Variants in ICA1 observed in about 807,000 individuals in gnomAD.
ICA1 encodes islet cell autoantigen 1.
Under a neutral mutation model 71.0 loss-of-function variants are expected in ICA1, and 40 were observed. The ratio of observed to expected loss-of-function variants is 0.56; its 90% CI spans 0.44 to 0.73. The LOEUF (loss-of-function observed/expected upper bound fraction) is 0.73. Ranked by LOEUF, ICA1 falls within the 30% of genes least tolerant of loss-of-function variation. ICA1 has a pLI of 0.00. For synonymous variants in ICA1, 207 were observed against 209.5 expected, an observed-to-expected ratio of 0.99 and a Z score of 0.10; for missense variants, 578 against 576.5, an observed-to-expected ratio of 1.00 and a Z score of -0.03.
In ICA1 at chr7:8,142,391, C is replaced by T. The variant is rs538301989; in HGVS notation, c.903-574G>A. Among the ~76,000 whole-genome samples, 11 of 152,350 alleles carry T rather than the reference C, an allele frequency of 7.2e-5. 1 individual carries two copies. The South Asian group carries it at 2.1e-3, about 29-fold the overall frequency. On this transcript the variant is annotated intron_variant, in intron 9 of 13. Coordinates refer to ENST00000402384, the MANE Select transcript of ICA1 (RefSeq NM_001136020.3). Reference sequence around the variant, plus strand: ...GTCTGCTATTTCTAAACAAAATTCACGTTCAGTGTTCACTGTCATTTTAAA... The same window carrying T: ...GTCTGCTATTTCTAAACAAAATTCATGTTCAGTGTTCACTGTCATTTTAAA...
At chr7:8,204,214 TTTTTTCCAATAGTAACCTAATA>T (rs1212406737) in intron 6 of ICA1, among the ~76,000 whole-genome samples, 2 of 152,156 alleles carry the variant, frequency 1.3e-5, no homozygotes, top group Non-Finnish European at 2.9e-5. Context: ...CCAGAAACCT[TTTTTTCCAATAGTAACCTAATA>T]TCACACAAGG....
intron 4 of ICA1, among the ~76,000 whole-genome samples, chr7:8,225,942 G>A (rs908197013): frequency 6.6e-6 from 1 of 152,060 alleles, no homozygotes; most frequent in African/African-American, 2.4e-5. Context: ...CGGCTTCCAT[G>A]TATAATTATT....
rs940500453 is a variant in ICA1, at chr7:8,137,255, C to T, written c.1060+1585G>A. Among the ~76,000 whole-genome samples the T allele has an allele frequency of 2.6e-5, 4 of 151,794 alleles. No individual in the cohort carries two copies. The South Asian group carries it at 6.2e-4, about 24-fold the overall frequency. ...TCCCAGTGTGAATGTACTACCTAGT[C>T]AAATTCAAACACTAAAATAATAAAA... On this transcript the variant is annotated intron_variant, in intron 12 of 13. Coordinates refer to ENST00000402384, the MANE Select transcript of ICA1 (RefSeq NM_001136020.3).
intron 6 of ICA1, among the ~76,000 whole-genome samples, chr7:8,207,984 C>T (rs1462465680): frequency 6.6e-6 from 1 of 152,146 alleles, no homozygotes; most frequent in African/African-American, 2.4e-5. Context: ...AGGGCCAATA[C>T]TGCTTGCATA....
intron 8 of ICA1, among the ~76,000 whole-genome samples, chr7:8,149,249 C>T (rs775258242): frequency 2.0e-4 from 31 of 152,314 alleles, no homozygotes; most frequent in Non-Finnish European, 1.8e-4. Flanking sequence ...AACCCCAAAC[C>T]CACTCAGTCT....
intron 13 of ICA1, chr7:8,116,572 TTTTAGC>T (rs1255865080): frequency 6.6e-6 from 1 of 152,234 alleles, no homozygotes; most frequent in Non-Finnish European, 1.5e-5. Flanking sequence ...CATCTTTGCT[TTTTAGC>T]TTTATTTATG....
intron 6 of ICA1, among the ~76,000 whole-genome samples, chr7:8,170,049 C>T (rs1807714233): frequency 6.6e-6 from 1 of 151,926 alleles, no homozygotes; most frequent in Non-Finnish European, 1.5e-5. Context: ...GATTCAAGTT[C>T]ACATTTACAC....
intron 6 of ICA1, among the ~76,000 whole-genome samples, chr7:8,174,284 G>A (rs1165893397): frequency 6.6e-6 from 1 of 152,074 alleles, no homozygotes; most frequent in Non-Finnish European, 1.5e-5. Context: ...CTCTTAATCT[G>A]ACTTAATGGG....
chr7:8,195,496 C>A (rs1787154341), intron 6 of ICA1, among the ~76,000 whole-genome samples: 1 of 151,850 alleles, frequency 6.6e-6, no homozygotes, highest in African/African-American at 2.4e-5. Flanking sequence ...GAGCCAAGAT[C>A]ATACCACTGC....
chr7:8,203,467 G>A (rs763746604), intron 6 of ICA1, among the ~76,000 whole-genome samples: 17 of 151,984 alleles, frequency 1.1e-4, no homozygotes, highest in Non-Finnish European at 1.8e-4. Context: ...GCTATTTCAC[G>A]ATGGTGCTCT....
chr7:8,183,676 A>G (rs1237015791), intron 6 of ICA1, among the ~76,000 whole-genome samples: 1 of 152,230 alleles, frequency 6.6e-6, no homozygotes, highest in African/African-American at 2.4e-5. Flanking sequence ...CATGAGATAA[A>G]TAAGAGAGAA....
intron 3 of ICA1, among the ~76,000 whole-genome samples, chr7:8,228,877 A>G (rs7800587): frequency 0.073 from 11,074 of 152,252 alleles, 1,333 homozygotes; most frequent in African/African-American, 0.25. Flanking sequence ...ATTGGAATTC[A>G]TCATCTCTGT....
At chr7:8,171,613 G>A (rs1808372834) in intron 6 of ICA1, among the ~76,000 whole-genome samples, 1 of 151,502 alleles carries the variant, frequency 6.6e-6, no homozygotes, top group Admixed American at 6.6e-5. Context: ...TTCTGTTTAT[G>A]GTTTCATTTG....
At chr7:8,248,652 G>A (rs1027164495) in intron 1 of ICA1, among the ~76,000 whole-genome samples, 2 of 152,194 alleles carry the variant, frequency 1.3e-5, no homozygotes, top group African/African-American at 4.8e-5. Flanking sequence ...GAAGGTGGAA[G>A]TTGCATTGAG....
At chr7:8,208,095 C>T (rs1220943083) in intron 6 of ICA1, among the ~76,000 whole-genome samples, 7 of 152,150 alleles carry the variant, frequency 4.6e-5, no homozygotes, top group African/African-American at 1.7e-4. Flanking sequence ...CAAACTAACA[C>T]AGAACACAAG....
chr7:8,242,175 C>A (rs1370889654), intron 1 of ICA1, among the ~76,000 whole-genome samples: 3 of 152,196 alleles, frequency 2.0e-5, no homozygotes, highest in Non-Finnish European at 4.4e-5. Context: ...AAAAAGCACT[C>A]CTCAGCAAAT....
Position 8,218,496 on chromosome 7 carries a change from A to G in ICA1, c.388T>C (p.Leu130=). ...TGAAATCGACACAAAGGATTTCGTAAGGCCAACCTAGACAAGAGGACAAAG... is the reference window on the plus strand; with the variant it reads ...TGAAATCGACACAAAGGATTTCGTAGGGCCAACCTAGACAAGAGGACAAAG... ...LCFSSQQRLA[L]RNPLCRFHQE... The change falls in exon 6 of 14, where the codon TTA becomes CTA. Residue 130 remains leucine, a synonymous_variant. Coordinates refer to ENST00000402384, the MANE Select transcript of ICA1 (RefSeq NM_001136020.3). The G allele has an allele frequency of 2.5e-6, 4 of 1,614,066 alleles. No homozygotes were observed. The highest frequency in any genetic ancestry group is 3.4e-6 in the Non-Finnish European group (4 of 1,179,944).
At chr7:8,212,359 G>T (rs1390235302) in intron 6 of ICA1, among the ~76,000 whole-genome samples, 1 of 152,170 alleles carries the variant, frequency 6.6e-6, no homozygotes, top group African/African-American at 2.4e-5. Context: ...GAGGCCAGGA[G>T]CTTGAGACCA....
chr7:8,162,166 A>T (rs1804091590), intron 6 of ICA1, among the ~76,000 whole-genome samples: 1 of 152,176 alleles, frequency 6.6e-6, no homozygotes, highest in Non-Finnish European at 1.5e-5. Flanking sequence ...GAGAAAACTT[A>T]TTTCACTTGC....
Sources: allele counts gnomAD v4.1 joint callset (sites outside exome capture counted in the v4.1 genomes callset), GRCh38; gene constraint gnomAD v4.1.1; transcripts MANE v1.5; gene names NCBI Gene and HGNC (gene_info 2026-07-23, HGNC 2026-07-21).